PUM1: variants seen among roughly 807,000 people sequenced by gnomAD.
The protein encoded by PUM1 is pumilio RNA binding family member 1.
A neutral mutation model predicts 131.8 loss-of-function variants in PUM1; 13 were observed. That is an observed-to-expected ratio of 0.10 (90% CI 0.06 to 0.16). The LOEUF (loss-of-function observed/expected upper bound fraction) is 0.16. Among genes scored for constraint, PUM1 ranks in the 10% least tolerant of loss-of-function variants. PUM1 has a pLI of 1.00. For synonymous variants in PUM1, 509 were observed against 556.5 expected, an observed-to-expected ratio of 0.91 and a Z score of 1.20; for missense variants, 961 against 1,512.4, an observed-to-expected ratio of 0.64 and a Z score of 6.05.
intron 1 of PUM1, 21 bp downstream of exon 1, chr1:31,065,595 C>A: frequency 6.5e-7 from 1 of 1,543,288 alleles, no homozygotes; most frequent in Non-Finnish European, 8.7e-7. Context: ...CGTTTGGGGC[C>A]GGTGGGGTGC....
At chr1:30,938,966 C>T (rs1459270936) in intron 20 of PUM1, among the ~76,000 whole-genome samples, 3 of 151,962 alleles carry the variant, frequency 2.0e-5, no homozygotes, top group Admixed American at 6.6e-5. Context: ...TAGACAGATA[C>T]ATACATACAT....
chr1:30,937,887 T>C (rs1338025752), intron 20 of PUM1, among the ~76,000 whole-genome samples: 1 of 152,012 alleles, frequency 6.6e-6, no homozygotes, highest in Non-Finnish European at 1.5e-5. Context: ...TTCTCCTGCC[T>C]CAGCCTCCCG....
At chr1:30,986,904 A>T (rs1303696673) in intron 7 of PUM1, among the ~76,000 whole-genome samples, 2 of 152,188 alleles carry the variant, frequency 1.3e-5, no homozygotes, top group East Asian at 3.9e-4. Context: ...ATTTAATCAC[A>T]CTGCCACACT....
intron 2 of PUM1, among the ~76,000 whole-genome samples, chr1:31,035,053 TATCTGTATTA>T (rs1643562651): frequency 6.6e-6 from 1 of 152,248 alleles, no homozygotes; most frequent in South Asian, 2.1e-4. Context: ...GCACACGATA[TATCTGTATTA>T]ATAACAACTA....
intron 2 of PUM1, among the ~76,000 whole-genome samples, chr1:31,050,665 CA>C (rs1214047996): frequency 6.6e-6 from 1 of 152,156 alleles, no homozygotes; most frequent in African/African-American, 2.4e-5. Context: ...AATGCTAAGG[CA>C]ATCTACCCAG....
intron 16 of PUM1, among the ~76,000 whole-genome samples, chr1:30,950,548 TGTC>T (rs1439459748): frequency 6.6e-6 from 1 of 152,228 alleles, no homozygotes; most frequent in Non-Finnish European, 1.5e-5. Flanking sequence ...TCCTCAAAGC[TGTC>T]ATTAATTCAT....
chr1:31,057,724 C>CAAAA (rs58490041), intron 2 of PUM1, among the ~76,000 whole-genome samples: 170 of 72,282 alleles, frequency 2.4e-3, no homozygotes, highest in African/African-American at 5.4e-3. Flanking sequence ...GACTCCATCT[C>CAAAA]AAAAAAAAAA....
At chr1:31,022,895 G>A (rs546360440) in intron 3 of PUM1, among the ~76,000 whole-genome samples, 5 of 152,240 alleles carry the variant, frequency 3.3e-5, no homozygotes, top group South Asian at 4.1e-4. Flanking sequence ...TTGGCTGGGC[G>A]CAGTGGGTCA....
chr1:30,968,065 T>C, intron 11 of PUM1: 1 of 499,736 alleles, frequency 2.0e-6, no homozygotes, highest in Non-Finnish European at 3.9e-6. Context: ...GGCCACTCCA[T>C]CTATCCCTGA....
chr1:30,932,108 T>C lies in PUM1; in HGVS notation c.*1103A>G, dbSNP rs1055935388. 1.3e-5 allele frequency: 2 copies of C among 152,618 alleles called. No homozygotes were observed. Among genetic ancestry groups the C allele is most frequent in the African/African-American group, 2.4e-5 (1 of 41,432 alleles). 9.5% of individuals were successfully genotyped at this position (152,618 alleles called of 1,614,324 possible). A position where few individuals can be genotyped will look rare whatever the true frequency, so the allele number is the denominator to read the frequency against. ...CTGGTTGAAATTACAATTTACAATA[T>C]ACAACACTATATGCTACGACCATAA... On this transcript the variant is annotated 3_prime_UTR_variant, in exon 22 of 22. Coordinates refer to ENST00000426105, the MANE Select transcript of PUM1 (RefSeq NM_001020658.2).
chr1:30,970,581 C>T (rs1168248123), intron 10 of PUM1, among the ~76,000 whole-genome samples: 1 of 152,170 alleles, frequency 6.6e-6, no homozygotes, highest in Admixed American at 6.5e-5. Context: ...GTGTTTCAAA[C>T]TACGTAGATA....
At chr1:31,016,451 A>C (rs1642821220) in intron 3 of PUM1, among the ~76,000 whole-genome samples, 1 of 152,156 alleles carries the variant, frequency 6.6e-6, no homozygotes. Flanking sequence ...AAGGAATAAG[A>C]TCTTCCAAAT....
At chr1:31,002,225 A>G (rs969634670) in intron 5 of PUM1, among the ~76,000 whole-genome samples, 1 of 152,206 alleles carries the variant, frequency 6.6e-6, no homozygotes, top group Non-Finnish European at 1.5e-5. Flanking sequence ...CTGGTTACCT[A>G]AAGTAAATGC....
intron 14 of PUM1, among the ~76,000 whole-genome samples, chr1:30,959,106 A>G (rs1452445066): frequency 1.3e-5 from 2 of 152,238 alleles, no homozygotes; most frequent in Non-Finnish European, 2.9e-5. Flanking sequence ...TATAAGACCT[A>G]TAAGATGTAA....
chr1:31,009,619 T>C (rs1444711542), intron 3 of PUM1, among the ~76,000 whole-genome samples: 1 of 151,540 alleles, frequency 6.6e-6, no homozygotes, highest in Non-Finnish European at 1.5e-5. Context: ...AACTCAAAAA[T>C]TAGCTGCGTA....
intron 14 of PUM1, among the ~76,000 whole-genome samples, chr1:30,958,263 T>C (rs912025967): frequency 3.3e-5 from 5 of 152,216 alleles, no homozygotes; most frequent in Admixed American, 3.3e-4. Context: ...ATAATAAAAC[T>C]AAATGCTTTT....
rs1183574650 is a variant in PUM1, at chr1:30,986,925, GC to G, written c.1158+5464del. ...TCACACTGCCACACTTTTAACACAT[GC>G]CGATTTCCACTCCCCTCTGACTGTG... On this transcript the variant is annotated intron_variant, in intron 7 of 21. Transcript: ENST00000426105. 3.9e-5 allele frequency among the ~76,000 whole-genome samples: 6 copies of G among 152,246 alleles called. No individual in the cohort carries two copies. In the East Asian group the frequency reaches 1.2e-3, roughly 29 times the overall value.
chr1:31,027,790 A>G (rs1261045552), intron 3 of PUM1, among the ~76,000 whole-genome samples: 1 of 152,234 alleles, frequency 6.6e-6, no homozygotes, highest in Non-Finnish European at 1.5e-5. Flanking sequence ...CTCAGAACCT[A>G]GCACAGTGCC....
chr1:31,033,074 T>G (rs1013348883), intron 2 of PUM1, among the ~76,000 whole-genome samples: 4 of 151,562 alleles, frequency 2.6e-5, no homozygotes, highest in Non-Finnish European at 4.4e-5. Flanking sequence ...AAAAACGTTA[T>G]TTTCCTTGAC....
Sources: allele counts gnomAD v4.1 joint callset (sites outside exome capture counted in the v4.1 genomes callset), GRCh38; gene constraint gnomAD v4.1.1; transcripts MANE v1.5; gene names NCBI Gene and HGNC (gene_info 2026-07-23, HGNC 2026-07-21).